Variants in CEP164 observed in about 807,000 individuals in gnomAD.
CEP164 encodes centrosomal protein 164, also known as centrosomal protein of 164 kDa.
A neutral mutation model predicts 182.7 loss-of-function variants in CEP164; 162 were observed. The ratio of observed to expected loss-of-function variants is 0.89; its 90% CI spans 0.78 to 1.01. The LOEUF (loss-of-function observed/expected upper bound fraction) is 1.01. CEP164 is among the 50% of genes least tolerant of loss of function. CEP164 has a pLI of 0.00. For missense variants in CEP164, 1,735 were observed against 1,790.4 expected (o/e 0.97, Z 0.56); for synonymous variants, 661 against 690.0 (o/e 0.96, Z 0.66).
At chr11:117,388,041 C>T (rs540361651) in intron 15 of CEP164, among the ~76,000 whole-genome samples, 1 of 151,748 alleles carries the variant, frequency 6.6e-6, no homozygotes, top group South Asian at 2.1e-4. Context: ...ACCTCCAACC[C>T]CCTAGCATCC....
rs2043238724 is a variant in CEP164, at chr11:117,380,853, G to T, written c.1409+148G>T. 11 of 670,620 alleles carry T rather than the reference G, an allele frequency of 1.6e-5. No individual in the cohort carries two copies. In the South Asian group the frequency reaches 1.8e-4, roughly 11 times the overall value. The allele number at this position is 670,620 out of a possible 1,614,324, so 41.5% of individuals were successfully genotyped here. ...CTGGCTGGATGGCCTTGCAGGGTCT[G>T]TGTGTGCACATGCGTGTGTATATGT... On this transcript the variant is annotated intron_variant, in intron 12 of 32. Coordinates refer to ENST00000278935, the MANE Select transcript of CEP164 (RefSeq NM_014956.5).
intron 4 of CEP164, among the ~76,000 whole-genome samples, chr11:117,346,569 T>C (rs1053853355): frequency 2.6e-5 from 4 of 151,506 alleles, no homozygotes; most frequent in South Asian, 2.1e-4. Context: ...TTTTTCACTT[T>C]TTAAAATAAG....
chr11:117,352,021 C>T, intron 5 of CEP164, 33 bp downstream of exon 5: 1 of 1,535,582 alleles, frequency 6.5e-7, no homozygotes, highest in Non-Finnish European at 8.8e-7. Flanking sequence ...CCAGAGAGGC[C>T]AGGGCTGAAA....
intron 14 of CEP164, 100 bp downstream of exon 14, chr11:117,383,042 T>C: frequency 7.3e-7 from 1 of 1,364,290 alleles, no homozygotes; most frequent in Non-Finnish European, 9.9e-7. Context: ...GCTCAGGCTC[T>C]GGCCAAGGGT....
chr11:117,396,231 C>A, intron 25 of CEP164, 51 bp downstream of exon 25: 5 of 1,575,696 alleles, frequency 3.2e-6, no homozygotes, highest in Non-Finnish European at 4.3e-6. Context: ...TGGTGTGGGG[C>A]ATTGGGAGGG....
At position 117,394,977 on chromosome 11, in the gene CEP164, G is replaced by A; in HGVS notation, c.2818G>A (p.Ala940Thr). Residue 940 changes from alanine to threonine, a missense_variant, in exon 22 of 33, where the codon GCC (alanine) becomes ACC (threonine). Ala to Thr is a moderately conservative substitution (Grantham distance 58). Transcript: ENST00000278935. The surrounding 1 kb of genome is among the most constrained non-coding windows in gnomAD (Gnocchi z 4.0). ...DLETRAKDVK[A>T]RLALLEVQEE... ...TGAAACCAGAGCTAAAGATGTCAAG[G>A]CCAGATTGGCTCTGCTGGAGGTCCA... 6.2e-7 allele frequency: 1 copy of A among 1,614,184 alleles called. No homozygotes were observed. Among genetic ancestry groups the A allele is most frequent in the Non-Finnish European group, 8.5e-7 (1 of 1,180,024 alleles).
intron 8 of CEP164, among the ~76,000 whole-genome samples, chr11:117,364,590 G>C (rs1186814662): frequency 4.0e-5 from 6 of 150,390 alleles, no homozygotes; most frequent in Non-Finnish European, 8.9e-5. Flanking sequence ...TTGAGACTGG[G>C]TGTCACTCTG....
rs9919538 is a variant in CEP164 at position 117,334,510 on chromosome 11, G to A, written c.-97-1095G>A. On this transcript the variant is annotated intron_variant, in intron 1 of 32. Transcript: ENST00000278935. Reference sequence around the variant, plus strand: ...TTTAAGTAGTTAAATATATCGCCAGGTGCGGTGGCTCCTGCCTGTAATTCC... The same window carrying A: ...TTTAAGTAGTTAAATATATCGCCAGATGCGGTGGCTCCTGCCTGTAATTCC... Among the ~76,000 whole-genome samples the A allele has an allele frequency of 4.3e-4, 66 of 152,290 alleles. 1 individual carries two copies. Among genetic ancestry groups the A allele is most frequent in the African/African-American group, 1.4e-3 (60 of 41,568 alleles).
At chr11:117,349,274 G>A (rs887228958) in intron 4 of CEP164, among the ~76,000 whole-genome samples, 6 of 152,044 alleles carry the variant, frequency 3.9e-5, no homozygotes, top group Non-Finnish European at 8.8e-5. Flanking sequence ...CAAAGTATTG[G>A]GATTACAGGT....
intron 5 of CEP164, chr11:117,356,284 G>A (rs1436473792): frequency 1.5e-5 from 16 of 1,101,734 alleles, no homozygotes; most frequent in Non-Finnish European, 1.8e-5. Flanking sequence ...TCTCCAGGTG[G>A]CCGGAGGGCC....
Position 117,391,009 on chromosome 11 carries a change from G to A in CEP164, c.2077G>A (p.Glu693Lys), listed in dbSNP as rs777716417. ...ADEDQIRAEQ[E>K]ASLQKLREEL... ...ACTGTGTCCACCCAGGGCTGAGCAA[G>A]AGGCTTCCCTGCAGAAACTGAGAGA... Residue 693 changes from glutamate (E) to lysine (K), a missense_variant, in exon 17 of 33, where the codon GAG (glutamate) becomes AAG (lysine). Glu to Lys is a moderately conservative substitution (Grantham distance 56, BLOSUM62 1). Coordinates refer to ENST00000278935, the MANE Select transcript of CEP164 (RefSeq NM_014956.5). The A allele has an allele frequency of 6.2e-7, 1 of 1,614,174 alleles. No individual in the cohort carries two copies. The highest frequency in any genetic ancestry group is 1.1e-5 in the South Asian group (1 of 91,086).
intron 8 of CEP164, among the ~76,000 whole-genome samples, chr11:117,370,779 C>T (rs1193536416): frequency 2.0e-5 from 3 of 152,082 alleles, no homozygotes. Context: ...GCTGTGGTGG[C>T]ACACACCTGT....
At chr11:117,410,004 C>G in intron 30 of CEP164, 39 bp downstream of exon 30, 4 of 1,546,054 alleles carry the variant, frequency 2.6e-6, no homozygotes, top group Non-Finnish European at 3.6e-6. Flanking sequence ...CACCTGCCTC[C>G]TCCTCCTCCT....
In CEP164 at chr11:117,370,939, G is replaced by A. The variant is rs576258000; in HGVS notation, c.766-141G>A. On this transcript the variant is annotated intron_variant, in intron 8 of 32. Coordinates refer to ENST00000278935, the MANE Select transcript of CEP164 (RefSeq NM_014956.5). ...AAAATAAAAAAAAAAATTAACAACT[G>A]GGTGATTGATAACCATTGGGGCAGA... 7.7e-4 allele frequency: 632 copies of A among 823,292 alleles called. 6 individuals carry two copies. In the African/African-American group the frequency reaches 8.3e-3, roughly 11 times the overall value. The allele number at this position is 823,292 out of a possible 1,614,324, so 51.0% of individuals were successfully genotyped here.
At chr11:117,379,488 T>TA (rs958287762) in intron 11 of CEP164, among the ~76,000 whole-genome samples, 3 of 152,168 alleles carry the variant, frequency 2.0e-5, no homozygotes, top group African/African-American at 7.2e-5. Flanking sequence ...GTGCAGGTCC[T>TA]AGGATGGGGA....
chr11:117,325,904 C>A (rs1278126851), upstream of CEP164, among the ~76,000 whole-genome samples: 1 of 147,316 alleles, frequency 6.8e-6, no homozygotes, highest in Non-Finnish European at 1.5e-5. Flanking sequence ...GCAAGTAGGA[C>A]CTTTTTTTTT....
In CEP164 at chr11:117,409,966, G is replaced by C. The variant is rs780888941; in HGVS notation, c.4096+1G>C. The C allele has an allele frequency of 2.5e-6, 4 of 1,613,832 alleles. No individual in the cohort carries two copies. The East Asian group carries it at 8.9e-5, about 36-fold the overall frequency. ...GAGAAGTGGCGCAAGTATTTTCCAT[G>C]TAAGCCCCACTCTGGGCGGAGCCTT... On this transcript the variant is annotated splice_donor_variant, in intron 30 of 32. Transcript: ENST00000278935. LOFTEE classifies it high-confidence loss of function. The surrounding 1 kb of genome is among the most constrained non-coding windows in gnomAD (Gnocchi z 4.4).
At chr11:117,376,233 G>A (rs2042728017) in intron 11 of CEP164, among the ~76,000 whole-genome samples, 1 of 152,136 alleles carries the variant, frequency 6.6e-6, no homozygotes. Context: ...ATTTTTCCCA[G>A]CAAGCTCTTT....
In CEP164 at chr11:117,338,639, A is replaced by G. The variant is rs770996340; in HGVS notation, c.53A>G (p.Tyr18Cys). ...IGDQLVLEED[Y>C]DETYIPSEQE... ...GATCAGCTGGTTCTGGAAGAAGATT[A>G]TGATGAGACCTACATTCCTAGTGAG... is the stretch of plus-strand genomic sequence containing the variant. The change falls in exon 3 of 33, where the codon TAT becomes TGT. Residue 18 changes from tyrosine (Y) to cysteine (C), a missense_variant. Transcript: ENST00000278935. The G allele has an allele frequency of 7.4e-6, 12 of 1,614,102 alleles. No individual in the cohort carries two copies. Among genetic ancestry groups the G allele is most frequent in the Admixed American group, 1.7e-5 (1 of 60,020 alleles).
Sources: gnomAD v4.1 joint callset for allele counts (sites outside exome capture counted in the v4.1 genomes callset) on GRCh38, gnomAD v4.1.1 for gene constraint, Gnocchi (gnomAD v3.1) non-coding constraint, MANE v1.5 for transcripts, NCBI Gene and HGNC (gene_info 2026-07-23, HGNC 2026-07-21) for gene names.